PCDHA2: variants seen among roughly 807,000 people sequenced by gnomAD.
The protein encoded by PCDHA2 is protocadherin alpha-2.
Under a neutral mutation model 66.0 loss-of-function variants are expected in PCDHA2, and 58 were observed. That is an observed-to-expected ratio of 0.88 (90% CI 0.71 to 1.09). The LOEUF is 1.09. PCDHA2 is among the 50% of genes least tolerant of loss of function. PCDHA2 has a pLI of 0.00. For missense variants in PCDHA2, 1,267 were observed against 1,242.3 expected (o/e 1.02, Z -0.30); for synonymous variants, 634 against 554.0 (o/e 1.14, Z -2.03).
intron 1 of PCDHA2, chr5:140,857,901 G>C: frequency 1.3e-6 from 2 of 1,597,732 alleles, no homozygotes; most frequent in Non-Finnish European, 1.7e-6. Context: ...GTTGGTGCAC[G>C]CATCCCGTTT....
At chr5:140,822,936 C>T (rs1554128957) in intron 1 of PCDHA2, 1 of 1,614,248 alleles carries the variant, frequency 6.2e-7, no homozygotes, top group Admixed American at 1.7e-5. Flanking sequence ...TGACCTGCTC[C>T]CTAATGCCCC....
intron 1 of PCDHA2, chr5:140,926,516 G>C: frequency 5.0e-6 from 1 of 198,082 alleles, no homozygotes; most frequent in Non-Finnish European, 1.0e-5. Context: ...CCCAGGCTCC[G>C]CCCTGCGCCC....
intron 1 of PCDHA2, chr5:140,841,892 C>G: frequency 6.2e-7 from 1 of 1,613,788 alleles, no homozygotes; most frequent in South Asian, 1.1e-5. Flanking sequence ...TGAGAATAAA[C>G]TGGTTGAGCT....
chr5:140,924,895 AAAAAAAAAAATAAAATAAAAT>A (rs1361418672), intron 1 of PCDHA2, among the ~76,000 whole-genome samples: 1,915 of 132,218 alleles, frequency 0.014, 23 homozygotes, highest in Admixed American at 0.024. Context: ...AACCTGTCTC[AAAAAAAAAAATAAAATAAAAT>A]AAAATAAAAT....
In PCDHA2 at chr5:140,829,825, C is replaced by G. The variant is rs2150175451; in HGVS notation, c.2388+32473C>G. 1.2e-5 allele frequency: 19 copies of G among 1,613,864 alleles called. 1 individual carries two copies. In the South Asian group the frequency reaches 2.0e-4, roughly 17 times the overall value. ...TGGGTGGTACTGGTGGTGCAGTGAG[C>G]GAGCTGGTGCCGCGGTCACTGGGTG... On this transcript the variant is annotated intron_variant, in intron 1 of 3. Transcript: ENST00000526136.
At chr5:140,806,727 CAGTT>C (rs1763774653) in intron 1 of PCDHA2, among the ~76,000 whole-genome samples, 1 of 152,180 alleles carries the variant, frequency 6.6e-6, no homozygotes, top group Non-Finnish European at 1.5e-5. Context: ...CAACAGTTTA[CAGTT>C]ACATGTTTAC....
intron 1 of PCDHA2, among the ~76,000 whole-genome samples, chr5:140,954,141 T>C (rs1344784554): frequency 2.0e-5 from 3 of 152,208 alleles, no homozygotes; most frequent in Non-Finnish European, 4.4e-5. Flanking sequence ...TGCATAGTAT[T>C]CCATGGTGTA....
At chr5:140,922,369 G>A (rs534587109) in intron 1 of PCDHA2, among the ~76,000 whole-genome samples, 1 of 152,320 alleles carries the variant, frequency 6.6e-6, no homozygotes, top group East Asian at 1.9e-4. Context: ...TTCTCACTGA[G>A]ATGCAAAACC....
At chr5:140,876,907 G>A (rs782597420) in intron 1 of PCDHA2, 1 of 1,614,022 alleles carries the variant, frequency 6.2e-7, no homozygotes, top group Admixed American at 1.7e-5. Flanking sequence ...CACGGTGTCG[G>A]CATGGGACGC....
intron 1 of PCDHA2, chr5:140,828,068 G>C: frequency 6.4e-7 from 1 of 1,561,728 alleles, no homozygotes. Flanking sequence ...TCTTCTAATG[G>C]AAATAAAACC....
intron 1 of PCDHA2, chr5:140,807,895 T>C (rs141163311): frequency 3.7e-6 from 6 of 1,613,994 alleles, no homozygotes; most frequent in Non-Finnish European, 5.1e-6. Context: ...TGGATGCCAA[T>C]GACAATGCCC....
intron 1 of PCDHA2, chr5:140,927,797 C>T (rs1554205063): frequency 6.2e-7 from 1 of 1,614,196 alleles, no homozygotes; most frequent in Non-Finnish European, 8.5e-7. Context: ...CTAGGTCCGC[C>T]TGAAACGCTC....
intron 1 of PCDHA2, among the ~76,000 whole-genome samples, chr5:140,832,886 A>G (rs1334973286): frequency 1.3e-5 from 2 of 152,182 alleles, no homozygotes; most frequent in African/African-American, 4.8e-5. Context: ...TAAAATGGAA[A>G]GAGTTTTCCC....
chr5:140,929,499 C>G, intron 1 of PCDHA2: 1 of 980,264 alleles, frequency 1.0e-6, no homozygotes, highest in South Asian at 3.1e-5. Flanking sequence ...GAAGATTGCC[C>G]TAGGCCTCAA....
At chr5:141,001,908 G>T (rs2098043431) in intron 3 of PCDHA2, among the ~76,000 whole-genome samples, 1 of 152,198 alleles carries the variant, frequency 6.6e-6, no homozygotes, top group Non-Finnish European at 1.5e-5. Flanking sequence ...GTTTGAAAAA[G>T]ACTGCAGTGG....
intron 1 of PCDHA2, chr5:140,807,311 G>T (rs781800843): frequency 1.9e-6 from 3 of 1,614,084 alleles, no homozygotes; most frequent in Middle Eastern, 1.7e-4. Context: ...GGCCAAACAC[G>T]GCACCTTCGT....
intron 1 of PCDHA2, chr5:140,928,635 A>T (rs148091714): frequency 1.6e-4 from 258 of 1,614,104 alleles, no homozygotes; most frequent in Non-Finnish European, 2.1e-4. Flanking sequence ...ACTTGGTCAC[A>T]AAAGTGGTAG....
At chr5:140,824,011 AGCTGGTCGTACTC>A (rs1227166716) in intron 1 of PCDHA2, 2 of 1,613,900 alleles carry the variant, frequency 1.2e-6, no homozygotes, top group Non-Finnish European at 1.7e-6. Context: ...CGCGGTGGGG[AGCTGGTCGTACTC>A]GCAGCAGAGG....
chr5:140,824,518 C>T (rs1191370190), intron 1 of PCDHA2: 1 of 218,004 alleles, frequency 4.6e-6, no homozygotes, highest in Non-Finnish European at 9.0e-6. Flanking sequence ...GTGATCTGAT[C>T]ATAGCTCACC....
Sources: allele counts gnomAD v4.1 joint callset (sites outside exome capture counted in the v4.1 genomes callset), GRCh38; gene constraint gnomAD v4.1.1; transcripts MANE v1.5; gene names NCBI Gene and HGNC (gene_info 2026-07-23, HGNC 2026-07-21).